Variants in PSME4 observed in about 807,000 individuals in gnomAD.
The protein encoded by PSME4 is proteasome activator subunit 4.
A neutral mutation model predicts 253.9 loss-of-function variants in PSME4; 89 were observed. The observed-to-expected ratio is 0.35, with a 90% CI of 0.30 to 0.42. The LOEUF (loss-of-function observed/expected upper bound fraction) is 0.42. PSME4 is among the 10% of genes least tolerant of loss of function. The pLI, the probability that PSME4 is intolerant of heterozygous loss-of-function variation, is 1.00. For synonymous variants in PSME4, 851 were observed against 759.2 expected, an observed-to-expected ratio of 1.12 and a Z score of -1.99; for missense variants, 2,014 against 2,195.2, an observed-to-expected ratio of 0.92 and a Z score of 1.65.
chr2:53,949,307 C>A, intron 1 of PSME4, 24 bp from the exon 2 acceptor site: 4 of 1,464,838 alleles, frequency 2.7e-6, no homozygotes, highest in South Asian at 1.3e-5. Context: ...ATAGATATAC[C>A]CTTTAAAAAT....
At chr2:53,925,065 A>G (rs771353634) in intron 14 of PSME4, among the ~76,000 whole-genome samples, 5 of 152,224 alleles carry the variant, frequency 3.3e-5, no homozygotes, top group Non-Finnish European at 7.3e-5. Flanking sequence ...CATTAGGCAC[A>G]GCACAACTCT....
At chr2:53,961,651 C>T (rs1670500538) in intron 1 of PSME4, among the ~76,000 whole-genome samples, 1 of 152,070 alleles carries the variant, frequency 6.6e-6, no homozygotes. Context: ...GCACTCCAAC[C>T]TGGGCGACAG....
At chr2:53,938,266 A>G (rs990368670) in intron 4 of PSME4, among the ~76,000 whole-genome samples, 1 of 152,192 alleles carries the variant, frequency 6.6e-6, no homozygotes, top group African/African-American at 2.4e-5. Flanking sequence ...AGGCATGTTG[A>G]ATAAACCATT....
At chr2:53,879,075 C>A (rs1051011323) in intron 41 of PSME4, among the ~76,000 whole-genome samples, 1 of 152,126 alleles carries the variant, frequency 6.6e-6, no homozygotes, top group African/African-American at 2.4e-5. Context: ...TACTCTGTCC[C>A]TTTATTTCTC....
At chr2:53,940,994 T>TATATAC in intron 3 of PSME4, among the ~76,000 whole-genome samples, 1 of 93,540 alleles carries the variant, frequency 1.1e-5, no homozygotes, top group East Asian at 2.7e-4. Flanking sequence ...TATATATATA[T>TATATAC]ATATATGAAA....
chr2:53,895,817 G>A lies in PSME4; in HGVS notation c.3689-81C>T, dbSNP rs1680112890. 3.1e-6 allele frequency: 4 copies of A among 1,303,078 alleles called. No homozygotes were observed. The East Asian group carries it at 7.1e-5, about 23-fold the overall frequency. 80.7% of individuals were successfully genotyped at this position (1,303,078 alleles called of 1,614,324 possible). A position where few individuals can be genotyped will look rare whatever the true frequency, so the allele number is the denominator to read the frequency against. ...TACCAAATTTCAATCAACAGTACCA[G>A]CATAACTTTGTCTTCACAAAACAAC... On this transcript the variant is annotated intron_variant, in intron 32 of 46. Coordinates refer to ENST00000404125, the MANE Select transcript of PSME4 (RefSeq NM_014614.3).
intron 1 of PSME4, among the ~76,000 whole-genome samples, chr2:53,960,511 T>G (rs1027752210): frequency 1.3e-5 from 2 of 152,212 alleles, no homozygotes; most frequent in Non-Finnish European, 2.9e-5. Context: ...AAGTTTCTAT[T>G]CTAGTTTGCT....
intron 1 of PSME4, among the ~76,000 whole-genome samples, chr2:53,966,084 G>A (rs998425022): frequency 6.6e-6 from 1 of 152,058 alleles, no homozygotes; most frequent in African/African-American, 2.4e-5. Flanking sequence ...CCAGGAGTTT[G>A]AGACAGCCTG....
intron 42 of PSME4, among the ~76,000 whole-genome samples, chr2:53,875,232 A>G (rs1362318409): frequency 2.0e-5 from 3 of 152,260 alleles, no homozygotes; most frequent in Non-Finnish European, 2.9e-5. Flanking sequence ...CTGACCATAC[A>G]GTATACCAAC....
In PSME4 at chr2:53,934,715, T is replaced by A. The variant is rs1003658027; in HGVS notation, c.847A>T (p.Ile283Phe). Residue 283 changes from isoleucine (I) to phenylalanine (F), a missense_variant, in exon 8 of 47, where the codon ATT (isoleucine) becomes TTT (phenylalanine). By Grantham distance (21) the Ile-to-Phe change is conservative. Coordinates refer to ENST00000404125, the MANE Select transcript of PSME4 (RefSeq NM_014614.3). ...DPYVPKIFTR[I>F]LRSLNLPVGS... Reference sequence around the variant, plus strand: ...ACTGGGAGGTTCAAGCTTCTCAGAATTCTTGTAAATATCTTTTAAAAGAAA... The same window carrying A: ...ACTGGGAGGTTCAAGCTTCTCAGAAATCTTGTAAATATCTTTTAAAAGAAA... The A allele has an allele frequency of 1.3e-6, 2 of 1,588,826 alleles. No homozygotes were observed. The highest frequency in any genetic ancestry group is 1.7e-6 in the Non-Finnish European group (2 of 1,159,576).
At position 53,892,793 on chromosome 2, in the gene PSME4, A is replaced by G; in HGVS notation, c.4191+15T>C. ...CTTTAACAGGAAATGTTCTGTACAA[A>G]TATTAATACATCACCTTTTCAAATG... On this transcript the variant is annotated intron_variant, in intron 36 of 46. Transcript: ENST00000404125. The G allele has an allele frequency of 6.2e-7, 1 of 1,606,016 alleles. No individual in the cohort carries two copies. The highest frequency in any genetic ancestry group is 8.5e-7 in the Non-Finnish European group (1 of 1,176,584).
chr2:53,912,124 T>C lies in PSME4; in HGVS notation c.2517-1994A>G, dbSNP rs950309360. On this transcript the variant is annotated intron_variant, in intron 20 of 46. Transcript: ENST00000404125. ...ATATCTCCTACACAGAGGTGACCCT[T>C]GAACAACACAGGTGTGGGTCTACTT... 1.4e-4 allele frequency among the ~76,000 whole-genome samples: 22 copies of C among 152,242 alleles called. 1 individual carries two copies. The highest frequency in any genetic ancestry group is 5.9e-5 in the Non-Finnish European group (4 of 68,036).
intron 1 of PSME4, among the ~76,000 whole-genome samples, chr2:53,965,793 C>G (rs994867325): frequency 2.6e-5 from 4 of 151,948 alleles, no homozygotes; most frequent in Non-Finnish European, 5.9e-5. Flanking sequence ...CCTCAGCCCC[C>G]CGAGTAGCTG....
intron 14 of PSME4, among the ~76,000 whole-genome samples, chr2:53,924,954 C>A (rs1298550142): frequency 6.6e-6 from 1 of 152,200 alleles, no homozygotes; most frequent in East Asian, 1.9e-4. Flanking sequence ...TGTTTACAGA[C>A]AACTTATTTA....
chr2:53,902,405 T>C (rs1476413494), intron 27 of PSME4, among the ~76,000 whole-genome samples: 1 of 152,226 alleles, frequency 6.6e-6, no homozygotes, highest in Non-Finnish European at 1.5e-5. Context: ...AAGTGCTTTT[T>C]CATAAAAAGT....
Position 53,899,931 on chromosome 2 carries a change from T to C in PSME4, c.3372A>G (p.Lys1124=). 3 of 1,613,714 alleles carry C rather than the reference T, an allele frequency of 1.9e-6. No individual in the cohort carries two copies. The highest frequency in any genetic ancestry group is 2.5e-6 in the Non-Finnish European group (3 of 1,179,638). Residue 1124 remains lysine (K), a synonymous_variant, in exon 29 of 47, where the codon AAA becomes AAG. Coordinates refer to ENST00000404125, the MANE Select transcript of PSME4 (RefSeq NM_014614.3). ...GTTGGCGTTTAATTCCTTCCTTAAT[T>C]TTTTCTGGGCTAAGCAATATCTGGT... The part of the protein sequence containing the change: ...SINQILLSPE[K]IKEGIKRQQE...
At chr2:53,933,570 C>T (rs1668960379) in intron 8 of PSME4, among the ~76,000 whole-genome samples, 1 of 152,028 alleles carries the variant, frequency 6.6e-6, no homozygotes, top group Non-Finnish European at 1.5e-5. Context: ...TTTTCTTGTA[C>T]AGGGTCTCGC....
At position 53,866,192 on chromosome 2, in the gene PSME4, C is replaced by A; in HGVS notation, c.5429G>T (p.Arg1810Leu). ...CTGCCAGTTGTCATGGTGAGTCCTT[C>A]GGAAATTGGATAAGGTTTTTTTTAC... ...MTVKKTLSNF[R>L]RTHHDNWQEH... is the part of the protein sequence containing the mutation. The change falls in exon 46 of 47, where the codon CGA becomes CTA. Residue 1810 changes from arginine (R) to leucine (L), a missense_variant. Transcript: ENST00000404125. 1 of 1,613,890 alleles carries A rather than the reference C, an allele frequency of 6.2e-7. No homozygotes were observed. The highest frequency in any genetic ancestry group is 8.5e-7 in the Non-Finnish European group (1 of 1,179,904).
In PSME4 at chr2:53,920,978, G is replaced by A. The variant is rs138333558; in HGVS notation, c.2173C>T (p.Leu725Phe). 163 of 1,614,078 alleles carry A rather than the reference G, an allele frequency of 1.0e-4. 1 individual carries two copies. In the African/African-American group the frequency reaches 2.0e-3, roughly 20 times the overall value. Reference sequence around the variant, plus strand: ...GGGTAGATAAGTGTGGTAGAACGGAGAAGATGATGCAAAAGGTTACAAGAC... The same window carrying A: ...GGGTAGATAAGTGTGGTAGAACGGAAAAGATGATGCAAAAGGTTACAAGAC... Reference protein sequence around the residue: ...TLSCNLLHHLLRSTTLIYPTE... With the variant: ...TLSCNLLHHLFRSTTLIYPTE... The change falls in exon 18 of 47, where the codon CTC (leucine) becomes TTC (phenylalanine). Residue 725 changes from leucine (L) to phenylalanine (F), a missense_variant. By Grantham distance (22) the Leu-to-Phe change is conservative. Transcript: ENST00000404125.
Sources: gnomAD v4.1 joint callset for allele counts (sites outside exome capture counted in the v4.1 genomes callset) on GRCh38, gnomAD v4.1.1 for gene constraint, MANE v1.5 for transcripts, NCBI Gene and HGNC (gene_info 2026-07-23, HGNC 2026-07-21) for gene names.